Variants in PKHD1L1 observed in about 807,000 individuals in gnomAD.
PKHD1L1 encodes fibrocystin-L.
PKHD1L1 carries 434 observed loss-of-function variants against 462.9 expected under a neutral mutation model. The ratio of observed to expected loss-of-function variants is 0.94; its 90% CI spans 0.87 to 1.02. The LOEUF (loss-of-function observed/expected upper bound fraction) is 1.02. PKHD1L1 is among the 50% of genes least tolerant of loss of function. The pLI, the probability that PKHD1L1 is intolerant of heterozygous loss-of-function variation, is 0.00. For missense variants in PKHD1L1, 5,202 were observed against 5,096.1 expected, an observed-to-expected ratio of 1.02 and a Z score of -0.63; for synonymous variants, 1,781 against 1,750.0, an observed-to-expected ratio of 1.02 and a Z score of -0.44.
Position 109,400,241 on chromosome 8 carries a change from G to A in PKHD1L1, c.1178G>A (p.Ser393Asn). 2.5e-6 allele frequency: 4 copies of A among 1,613,678 alleles called. No homozygotes were observed. The highest frequency in any genetic ancestry group is 3.4e-6 in the Non-Finnish European group (4 of 1,179,674). ...CAAGACACATTTGTTGCACGCTTTA[G>A]TGGATTTTTGGTGGCTCCAGATTCT... ...MEQDTFVARF[S>N]GFLVAPDSDV... Residue 393 changes from serine to asparagine, a missense_variant, in exon 13 of 78, where the codon AGT (serine) becomes AAT (asparagine). Physicochemically the swap from Ser to Asn is conservative, Grantham distance 46 (BLOSUM62 1). Around this residue, in one of 3 missense-constraint regions of PKHD1L1, gnomAD observed 4,497 missense variants for 4,336.8 expected, o/e 1.04. Coordinates refer to ENST00000378402, the MANE Select transcript of PKHD1L1 (RefSeq NM_177531.6).
chr8:109,508,045 T>A, intron 69 of PKHD1L1, 52 bp from the exon 70 acceptor site: 1 of 1,529,568 alleles, frequency 6.5e-7, no homozygotes, highest in Non-Finnish European at 8.8e-7. Context: ...TAAGGATTTT[T>A]TTGCAAAGAG....
At chr8:109,408,506 T>C (rs367729806) in intron 18 of PKHD1L1, among the ~76,000 whole-genome samples, 19 of 152,302 alleles carry the variant, frequency 1.2e-4, no homozygotes, top group African/African-American at 4.6e-4. Context: ...GAGTTGTTCT[T>C]CACTCAACAT....
rs372443351 is a variant in PKHD1L1 at position 109,461,867 on chromosome 8, C to A, written c.7342C>A (p.Pro2448Thr). ...GGCVMFHAPVPGANMVTGRIE... is the reference protein window; with the variant it reads ...GGCVMFHAPVTGANMVTGRIE... ...CTGCGTTATGTTTCATGCTCCTGTA[C>A]CTGGTGCTAACATGGTAACTGGGAG... The change falls in exon 48 of 78, where the codon CCT becomes ACT. Residue 2448 changes from proline (P) to threonine (T), a missense_variant. This residue lies in a region of PKHD1L1 where 4,497 missense variants were observed against 4,336.8 expected (regional missense o/e 1.04). Transcript: ENST00000378402. 9 of 1,604,912 alleles carry A rather than the reference C, an allele frequency of 5.6e-6. No individual in the cohort carries two copies. The highest frequency in any genetic ancestry group is 6.8e-6 in the Non-Finnish European group (8 of 1,175,394).
At chr8:109,470,733 T>C (rs1242086436) in intron 50 of PKHD1L1, 2 of 1,565,596 alleles carry the variant, frequency 1.3e-6, no homozygotes, top group Non-Finnish European at 1.7e-6. Flanking sequence ...ACCAATCTTC[T>C]TGGGACAGCC....
chr8:109,522,086 G>GTGA, intron 73 of PKHD1L1, 100 bp from the exon 74 acceptor site: 1 of 1,192,284 alleles, frequency 8.4e-7, no homozygotes, highest in Non-Finnish European at 1.2e-6. Context: ...ATTCTATAAT[G>GTGA]TGATGGAGCA....
In PKHD1L1 at chr8:109,425,086, T is replaced by C. The variant is rs560848348; in HGVS notation, c.2699T>C (p.Ile900Thr). The change falls in exon 24 of 78, where the codon ATA becomes ACA. Residue 900 changes from isoleucine to threonine, a missense_variant and splice_region_variant. By Grantham distance (89) the Ile-to-Thr change is moderately conservative. Transcript: ENST00000378402. The part of the protein sequence containing the change: ...IPMMAVSFGQ[I>T]ITHETENEFV... ...ATCAATATTTATTTTGGAAATTAGATAATCACACATGAGACAGAGAACGAG... is the reference window on the plus strand; with the variant it reads ...ATCAATATTTATTTTGGAAATTAGACAATCACACATGAGACAGAGAACGAG... 30 of 1,563,576 alleles carry C rather than the reference T, an allele frequency of 1.9e-5. No homozygotes were observed. The South Asian group carries it at 3.5e-4, about 18-fold the overall frequency.
At chr8:109,530,020 T>C in intron 77 of PKHD1L1, 60 bp from the exon 78 acceptor site, 2 of 1,008,646 alleles carry the variant, frequency 2.0e-6, no homozygotes, top group Non-Finnish European at 2.7e-6. Flanking sequence ...AAATATATTT[T>C]AAATTATACT....
rs1316179410 is a variant in PKHD1L1 at position 109,497,075 on chromosome 8, T to A, written c.10476+8T>A. On this transcript the variant is annotated splice_region_variant and intron_variant, in intron 64 of 77. Coordinates refer to ENST00000378402, the MANE Select transcript of PKHD1L1 (RefSeq NM_177531.6). ...TATGGAATTTATTTTCAGGTAATTA[T>A]GATTAAAGATGGTGATTGTTTATTT... is the stretch of plus-strand genomic sequence containing the variant. The A allele has an allele frequency of 6.2e-7, 1 of 1,613,014 alleles. No homozygotes were observed. The highest frequency in any genetic ancestry group is 8.5e-7 in the Non-Finnish European group (1 of 1,179,296).
In PKHD1L1 at chr8:109,412,881, T is replaced by G. The variant is rs186879002; in HGVS notation, c.2235+467T>G. On this transcript the variant is annotated intron_variant, in intron 20 of 77. Transcript: ENST00000378402. ...GTTAATCATAGATTCACCCTTTCTCTTATTTTAAAATTCTCAAATTGTGGC... is the reference window on the plus strand; with the variant it reads ...GTTAATCATAGATTCACCCTTTCTCGTATTTTAAAATTCTCAAATTGTGGC... 5.1e-3 allele frequency among the ~76,000 whole-genome samples: 778 copies of G among 152,184 alleles called. 9 individuals carry two copies. Among genetic ancestry groups the G allele is most frequent in the African/African-American group, 0.018 (749 of 41,562 alleles).
At chr8:109,434,154 C>A (rs116842945) in intron 28 of PKHD1L1, among the ~76,000 whole-genome samples, 1 of 151,916 alleles carries the variant, frequency 6.6e-6, no homozygotes. Flanking sequence ...ATGTAGGTGA[C>A]GGGTTAATGG....
chr8:109,480,575 G>A (rs749490646), intron 55 of PKHD1L1: 17 of 455,194 alleles, frequency 3.7e-5, no homozygotes, highest in Non-Finnish European at 5.7e-5. Context: ...AAATCAAAAT[G>A]TTACAGTTAT....
Position 109,491,937 on chromosome 8 carries a change from A to T in PKHD1L1, c.10179A>T (p.Pro3393=), listed in dbSNP as rs749338119. 4 of 1,604,004 alleles carry T rather than the reference A, an allele frequency of 2.5e-6. No individual in the cohort carries two copies. The African/African-American group carries it at 5.4e-5, about 21-fold the overall frequency. ...RGNLIALSVW[P]GTYQNRKDLS... is the part of the protein sequence containing the mutation. ...ATTTGATTGCACTTTCGGTTTGGCC[A>T]GGAACCTATCAGAACAGAAAAGATT... is the stretch of plus-strand genomic sequence containing the variant. The change falls in exon 62 of 78, where the codon CCA becomes CCT. Residue 3393 remains proline, a synonymous_variant. Transcript: ENST00000378402.
rs752700439 is a variant in PKHD1L1 at position 109,442,231 on chromosome 8, C to T, written c.4393+36C>T. The T allele has an allele frequency of 4.5e-6, 7 of 1,544,222 alleles. No homozygotes were observed. In the East Asian group the frequency reaches 1.6e-4, roughly 35 times the overall value. ...GCTTATTGGGTTTTGCATCATGTCA[C>T]TTTTTCCTAAATGTAATAAAATGAC... On this transcript the variant is annotated intron_variant, in intron 35 of 77. Coordinates refer to ENST00000378402, the MANE Select transcript of PKHD1L1 (RefSeq NM_177531.6).
intron 5 of PKHD1L1, among the ~76,000 whole-genome samples, chr8:109,384,837 T>TTCC (rs1297947749): frequency 2.6e-5 from 4 of 152,082 alleles, no homozygotes; most frequent in African/African-American, 9.7e-5. Flanking sequence ...ACCATTTGTA[T>TTCC]TCCTTCTTTT....
At chr8:109,362,760 G>C (rs1811044803) in intron 1 of PKHD1L1, 107 bp downstream of exon 1, 4 of 1,257,934 alleles carry the variant, frequency 3.2e-6, no homozygotes, top group Non-Finnish European at 4.5e-6. Flanking sequence ...CCTGGCTGAG[G>C]CTGTGGGTGC....
intron 54 of PKHD1L1, 66 bp downstream of exon 54, chr8:109,479,705 G>T: frequency 1.8e-6 from 2 of 1,136,880 alleles, no homozygotes; most frequent in Non-Finnish European, 2.5e-6. Flanking sequence ...TGGCAGGGTA[G>T]ATGTCACAGT....
intron 14 of PKHD1L1, among the ~76,000 whole-genome samples, chr8:109,403,307 A>G (rs1311918418): frequency 4.6e-5 from 7 of 152,194 alleles, no homozygotes; most frequent in African/African-American, 1.7e-4. Flanking sequence ...TATTAAAAAC[A>G]TAGCTTCACC....
chr8:109,379,662 A>G (rs1288116865), intron 2 of PKHD1L1, among the ~76,000 whole-genome samples: 1 of 152,134 alleles, frequency 6.6e-6, no homozygotes, highest in Non-Finnish European at 1.5e-5. Flanking sequence ...GTTATCCAGA[A>G]ATTGAATTTG....
Position 109,484,353 on chromosome 8 carries a change from G to T in PKHD1L1, c.9577-691G>T, listed in dbSNP as rs145832635. On this transcript the variant is annotated intron_variant, in intron 57 of 77. Transcript: ENST00000378402. The stretch of plus-strand genomic sequence containing the variant: ...TTCTAGGCATTGGGGATTTAGTGGT[G>T]AAGAAATTTGTCCAATCTATCATGG... 2.2e-3 allele frequency among the ~76,000 whole-genome samples: 332 copies of T among 152,004 alleles called. 4 individuals are homozygous for T. The South Asian group carries it at 0.034, about 16-fold the overall frequency.
Sources: allele counts gnomAD v4.1 joint callset (sites outside exome capture counted in the v4.1 genomes callset), GRCh38; gene constraint gnomAD v4.1.1; regional missense constraint gnomAD v4.1.1; transcripts MANE v1.5; gene names NCBI Gene and HGNC (gene_info 2026-07-23, HGNC 2026-07-21).